Variants in NUP93 observed in about 807,000 individuals in gnomAD.
The protein encoded by NUP93 is nuclear pore complex protein Nup93.
Under a neutral mutation model 107.8 loss-of-function variants are expected in NUP93, and 55 were observed. The ratio of observed to expected loss-of-function variants is 0.51; its 90% CI spans 0.41 to 0.64. The LOEUF is 0.64. NUP93 is among the 30% of genes least tolerant of loss of function. The pLI is 0.00. For missense variants in NUP93, 937 were observed against 1,044.7 expected (o/e 0.90, Z 1.42); for synonymous variants, 390 against 397.5 (o/e 0.98, Z 0.22).
At chr16:56,781,918 G>A in intron 3 of NUP93, 1 of 985,254 alleles carries the variant, frequency 1.0e-6, no homozygotes, top group Non-Finnish European at 1.2e-6. Flanking sequence ...GTGCTCCGGG[G>A]GCTGCAGTGC....
rs572084128 is a variant in NUP93 at position 56,749,536 on chromosome 16, T to C, written c.179+1110T>C. Among the ~76,000 whole-genome samples the C allele has an allele frequency of 1.7e-4, 26 of 152,304 alleles. No individual in the cohort carries two copies. The South Asian group carries it at 5.2e-3, about 30-fold the overall frequency. On this transcript the variant is annotated intron_variant, in intron 2 of 21. Transcript: ENST00000308159. ...ACACTGAGATTCTGTGCAGGAAATA[T>C]GGAAAATTGTCGGTCATCTCCTCAG... is the stretch of plus-strand genomic sequence containing the variant.
intron 6 of NUP93, among the ~76,000 whole-genome samples, chr16:56,820,461 A>G (rs1893620171): frequency 1.3e-5 from 2 of 152,174 alleles, no homozygotes; most frequent in Admixed American, 6.5e-5. Context: ...GATTATAGGC[A>G]TGCACCACCA....
At chr16:56,733,919 C>T (rs1961572439) in intron 1 of NUP93, among the ~76,000 whole-genome samples, 1 of 152,244 alleles carries the variant, frequency 6.6e-6, no homozygotes, top group African/African-American at 2.4e-5. Flanking sequence ...GAAACTTTCT[C>T]AAACCTTGCC....
chr16:56,777,778 G>C (rs975309496), intron 3 of NUP93, among the ~76,000 whole-genome samples: 5 of 152,120 alleles, frequency 3.3e-5, no homozygotes, highest in East Asian at 1.9e-4. Context: ...TTAGTGCCTC[G>C]GTACATTGGC....
At chr16:56,808,137 T>TAG (rs368835003) in intron 5 of NUP93, among the ~76,000 whole-genome samples, 872 of 54,660 alleles carry the variant, frequency 0.016, 91 homozygotes, top group Middle Eastern at 0.034. Context: ...TATAAATATA[T>TAG]TTATATAACT....
At chr16:56,779,350 T>C (rs1596792872) in intron 3 of NUP93, among the ~76,000 whole-genome samples, 1 of 152,364 alleles carries the variant, frequency 6.6e-6, no homozygotes, top group East Asian at 1.9e-4. Context: ...GAGCCCACTT[T>C]AATCCCTTAT....
At chr16:56,749,058 C>T (rs755617021) in intron 2 of NUP93, among the ~76,000 whole-genome samples, 4 of 152,174 alleles carry the variant, frequency 2.6e-5, no homozygotes, top group Admixed American at 6.5e-5. Flanking sequence ...ACTGCTGCCA[C>T]ACAGCATCAG....
chr16:56,769,524 G>T (rs1962282133), intron 3 of NUP93, among the ~76,000 whole-genome samples: 1 of 152,026 alleles, frequency 6.6e-6, no homozygotes, highest in African/African-American at 2.4e-5. Flanking sequence ...TTTTCTGCTT[G>T]CTGAGCTGTC....
rs1181264226 is a variant in NUP93, at chr16:56,837,620, G to GTAC, written c.1914_1916dup (p.Leu639dup). 6.2e-7 allele frequency: 1 copy of GTAC among 1,613,586 alleles called. No individual in the cohort carries two copies. Among genetic ancestry groups the GTAC allele is most frequent in the East Asian group, 2.2e-5 (1 of 44,892 alleles). ...AAAACTTGAGCAGAATGCTGACAAG[G>GTAC]TACTGGAGCTGATGAACAAACTGCT... On this transcript the variant is annotated inframe_insertion, in exon 18 of 22. Transcript: ENST00000308159.
At chr16:56,797,029 C>G (rs1333876062) in intron 3 of NUP93, among the ~76,000 whole-genome samples, 2 of 151,364 alleles carry the variant, frequency 1.3e-5, no homozygotes, top group African/African-American at 4.9e-5. Flanking sequence ...AATCCCAGCA[C>G]TTTGGGAGGC....
chr16:56,794,348 GACAC>G (rs144089162), intron 3 of NUP93, among the ~76,000 whole-genome samples: 9 of 151,532 alleles, frequency 5.9e-5, no homozygotes, highest in Non-Finnish European at 1.2e-4. Flanking sequence ...GGTGAGGTTT[GACAC>G]ACACACACAC....
At chr16:56,740,646 T>A (rs1387596397) in intron 1 of NUP93, 1 of 219,480 alleles carries the variant, frequency 4.6e-6, no homozygotes, top group African/African-American at 2.4e-5. Flanking sequence ...GAGGCTGCAA[T>A]CTTGGCACTT....
intron 4 of NUP93, among the ~76,000 whole-genome samples, chr16:56,801,363 T>G (rs1963017712): frequency 6.6e-6 from 1 of 152,220 alleles, no homozygotes; most frequent in South Asian, 2.1e-4. Flanking sequence ...CTAATGTAAT[T>G]AAGATAAGCT....
At chr16:56,754,768 G>T (rs758343656) in intron 2 of NUP93, among the ~76,000 whole-genome samples, 2 of 152,178 alleles carry the variant, frequency 1.3e-5, no homozygotes, top group African/African-American at 4.8e-5. Flanking sequence ...GGGACTCTTT[G>T]TGGGGTCTGC....
At chr16:56,843,679 C>T (rs1428730883) in intron 21 of NUP93, among the ~76,000 whole-genome samples, 3 of 152,184 alleles carry the variant, frequency 2.0e-5, no homozygotes, top group African/African-American at 7.2e-5. Flanking sequence ...AGTCAGATTT[C>T]TTTTTGTTTG....
intron 2 of NUP93, among the ~76,000 whole-genome samples, chr16:56,753,458 G>A (rs1567376419): frequency 6.6e-6 from 1 of 152,170 alleles, no homozygotes; most frequent in African/African-American, 2.4e-5. Context: ...TTTCTGTGGG[G>A]AACTATAGCC....
chr16:56,742,613 CAGA>C (rs1309981622), intron 1 of NUP93, among the ~76,000 whole-genome samples: 1 of 152,244 alleles, frequency 6.6e-6, no homozygotes, highest in East Asian at 1.9e-4. Flanking sequence ...TGTCCTTTTA[CAGA>C]AGAAGTTTGC....
At chr16:56,785,669 A>G (rs1313637046) in intron 3 of NUP93, among the ~76,000 whole-genome samples, 1 of 152,218 alleles carries the variant, frequency 6.6e-6, no homozygotes, top group Non-Finnish European at 1.5e-5. Flanking sequence ...CACCAGGAAC[A>G]CTGTGATAAG....
chr16:56,792,489 A>G (rs569337590), intron 3 of NUP93, among the ~76,000 whole-genome samples: 1 of 152,378 alleles, frequency 6.6e-6, no homozygotes, highest in South Asian at 2.1e-4. Context: ...TCATCTGGAC[A>G]TAGAACCCCA....
Sources: allele counts gnomAD v4.1 joint callset (sites outside exome capture counted in the v4.1 genomes callset), GRCh38; gene constraint gnomAD v4.1.1; transcripts MANE v1.5; gene names NCBI Gene and HGNC (gene_info 2026-07-23, HGNC 2026-07-21).